NKTR: variants seen among roughly 807,000 people sequenced by gnomAD.
The protein encoded by NKTR is natural killer cell triggering receptor.
Under a neutral mutation model 156.3 loss-of-function variants are expected in NKTR, and 67 were observed. The observed-to-expected ratio is 0.43, with a 90% CI of 0.35 to 0.53. The LOEUF (loss-of-function observed/expected upper bound fraction) is 0.53. Ranked by LOEUF, NKTR falls within the 20% of genes least tolerant of loss-of-function variation. The probability of loss-of-function intolerance (pLI) is 0.01; values close to 1 mark genes in which losing one functional copy is unlikely to be tolerated. For synonymous variants in NKTR, 640 were observed against 596.6 expected, an observed-to-expected ratio of 1.07 and a Z score of -1.06; for missense variants, 1,604 against 1,730.9, an observed-to-expected ratio of 0.93 and a Z score of 1.30.
At chr3:42,620,678 A>G (rs973886131) in intron 5 of NKTR, 6 of 984,306 alleles carry the variant, frequency 6.1e-6, no homozygotes, top group Non-Finnish European at 7.2e-6. Flanking sequence ...TGCTGGAATT[A>G]AAATAACTCT....
intron 12 of NKTR, 22 bp from the exon 13 acceptor site, chr3:42,636,846 G>T (rs972663214): frequency 4.6e-6 from 7 of 1,531,276 alleles, no homozygotes; most frequent in Non-Finnish European, 4.4e-6. Flanking sequence ...ATCACCGCAT[G>T]AATATTATGT....
At chr3:42,634,038 T>C (rs545167143) in intron 10 of NKTR, among the ~76,000 whole-genome samples, 19 of 152,326 alleles carry the variant, frequency 1.2e-4, no homozygotes, top group Admixed American at 3.9e-4. Context: ...TGCCTTTGCC[T>C]TTTATTAGAG....
rs1247827274 is a variant in NKTR at position 42,637,186 on chromosome 3, C to G, written c.1482C>G (p.His494Gln). The G allele has an allele frequency of 6.2e-7, 1 of 1,612,292 alleles. No individual in the cohort carries two copies. The highest frequency in any genetic ancestry group is 8.5e-7 in the Non-Finnish European group (1 of 1,179,586). ...SSRSSSLSSHHSSKRDWSKSD... is the reference protein window; with the variant it reads ...SSRSSSLSSHQSSKRDWSKSD... ...GTTCTTCCTCATTGTCATCTCATCACTCATCAAAGAGAGACTGGTCTAAAT... is the reference window on the plus strand; with the variant it reads ...GTTCTTCCTCATTGTCATCTCATCAGTCATCAAAGAGAGACTGGTCTAAAT... The change falls in exon 13 of 17, where the codon CAC becomes CAG. Residue 494 changes from histidine (H) to glutamine (Q), a missense_variant. Around this residue, in one of 6 missense-constraint regions of NKTR, gnomAD observed 1,255 missense variants for 1,243.7 expected, o/e 1.01. Transcript: ENST00000232978.
intron 2 of NKTR, among the ~76,000 whole-genome samples, chr3:42,604,267 C>T (rs1022773131): frequency 2.0e-5 from 3 of 152,038 alleles, no homozygotes; most frequent in Admixed American, 2.0e-4. Context: ...AATTTTGTTT[C>T]TATTTTTGTT....
In NKTR at chr3:42,637,679, G is replaced by A. The variant is rs1364890092; in HGVS notation, c.1975G>A (p.Gly659Ser). 1 of 1,613,876 alleles carries A rather than the reference G, an allele frequency of 6.2e-7. No individual in the cohort carries two copies. Among genetic ancestry groups the A allele is most frequent in the Middle Eastern group, 1.6e-4 (1 of 6,062 alleles). The change falls in exon 13 of 17, where the codon GGT (glycine) becomes AGT (serine). Residue 659 changes from glycine to serine, a missense_variant. By Grantham distance (56) the Gly-to-Ser change is moderately conservative. This residue lies in a region of NKTR where 1,255 missense variants were observed against 1,243.7 expected (regional missense o/e 1.01). Transcript: ENST00000232978. The stretch of plus-strand genomic sequence containing the variant: ...CAGTTTAGCAAATATTAAAGAGACT[G>A]GTAGCTCATCATCCTACCATAAAAG... ...TYSLANIKET[G>S]SSSSYHKREK...
intron 5 of NKTR, chr3:42,621,039 C>A (rs1707856359): frequency 2.0e-6 from 2 of 980,082 alleles, no homozygotes; most frequent in Non-Finnish European, 2.4e-6. Context: ...TATTGAACTT[C>A]TTCCATGTAT....
At chr3:42,609,972 C>T (rs1217410479) in intron 2 of NKTR, among the ~76,000 whole-genome samples, 1 of 152,004 alleles carries the variant, frequency 6.6e-6, no homozygotes, top group Non-Finnish European at 1.5e-5. Flanking sequence ...GTAAATCTCT[C>T]CTATTGTCCT....
intron 5 of NKTR, chr3:42,620,539 TA>T: frequency 1.0e-6 from 1 of 984,600 alleles, no homozygotes; most frequent in South Asian, 4.7e-5. Context: ...AATGGATTAC[TA>T]CTCTTTTTCA....
chr3:42,638,822 A>G lies in NKTR; in HGVS notation c.3118A>G (p.Lys1040Glu). The change falls in exon 13 of 17, where the codon AAA becomes GAA. Residue 1040 changes from lysine (K) to glutamate (E), a missense_variant. Physicochemically the swap from Lys to Glu is moderately conservative, Grantham distance 56. Transcript: ENST00000232978. ...IDDKQVTQES[K>E]EKKVSENNET... is the part of the protein sequence containing the mutation. ...TGACAAGCAAGTTACTCAGGAATCAAAAGAGAAAAAAGTTTCTGAAAACAA... is the reference window on the plus strand; with the variant it reads ...TGACAAGCAAGTTACTCAGGAATCAGAAGAGAAAAAAGTTTCTGAAAACAA... The G allele has an allele frequency of 6.2e-6, 10 of 1,602,632 alleles. No individual in the cohort carries two copies. Among genetic ancestry groups the G allele is most frequent in the Non-Finnish European group, 8.5e-6 (10 of 1,177,182 alleles).
intron 5 of NKTR, chr3:42,620,329 T>G (rs916887826): frequency 2.6e-6 from 3 of 1,151,774 alleles, no homozygotes; most frequent in Non-Finnish European, 3.2e-6. Context: ...AAGGTTTGTA[T>G]GTTTTCTTTT....
chr3:42,624,295 A>C (rs1708175785), intron 6 of NKTR, among the ~76,000 whole-genome samples: 1 of 151,948 alleles, frequency 6.6e-6, no homozygotes, highest in Admixed American at 6.6e-5. Context: ...AGTACTGCTC[A>C]AGAAATGTGG....
At chr3:42,600,910 A>G (rs890800140) in intron 1 of NKTR, 74 bp from the exon 2 acceptor site, 29 of 917,582 alleles carry the variant, frequency 3.2e-5, no homozygotes, top group African/African-American at 5.2e-5. Context: ...ACTTCGTCTC[A>G]GCCCCGCCCT....
At position 42,647,303 on chromosome 3, in the gene NKTR, G is replaced by GT. The variant is rs10676488; in HGVS notation, c.*1339dup. The GT allele has an allele frequency of 5.5e-3, 553 of 101,172 alleles. 5 individuals carry two copies. The highest frequency in any genetic ancestry group is 0.011 in the African/African-American group (295 of 25,924). 6.3% of individuals were successfully genotyped at this position (101,172 alleles called of 1,614,324 possible). On this transcript the variant is annotated 3_prime_UTR_variant, in exon 17 of 17. Coordinates refer to ENST00000232978, the MANE Select transcript of NKTR (RefSeq NM_005385.4). Reference sequence around the variant, plus strand: ...GTGTGTGTGTGTGTGTGTGTGTGTGGTTTTTTTTTTTAATCTTTACTTTGA... The same window carrying GT: ...GTGTGTGTGTGTGTGTGTGTGTGTGGTTTTTTTTTTTTAATCTTTACTTTGA...
In NKTR at chr3:42,634,357, C is replaced by T. The variant is rs339660; in HGVS notation, c.930-256C>T. ...ACAGAAATATCATAATGGCTGGTGT[C>T]ATTGATAAGTTCCCTATGAAGAGTT... On this transcript the variant is annotated intron_variant, in intron 10 of 16. Coordinates refer to ENST00000232978, the MANE Select transcript of NKTR (RefSeq NM_005385.4). Among the ~76,000 whole-genome samples, 1,116 of 152,192 alleles carry T rather than the reference C, an allele frequency of 7.3e-3. 19 individuals carry two copies. The highest frequency in any genetic ancestry group is 0.026 in the African/African-American group (1,071 of 41,522).
At chr3:42,620,587 T>C (rs1707818587) in intron 5 of NKTR, 3 of 984,806 alleles carry the variant, frequency 3.0e-6, no homozygotes, top group Admixed American at 6.2e-5. Context: ...TTTAAAGTTT[T>C]CTGTGTTTCT....
intron 10 of NKTR, among the ~76,000 whole-genome samples, chr3:42,634,161 G>C (rs983138843): frequency 6.6e-6 from 1 of 152,196 alleles, no homozygotes; most frequent in African/African-American, 2.4e-5. Flanking sequence ...ATGATGATTG[G>C]AGATACAATT....
rs766679113 is a variant in NKTR at position 42,635,319 on chromosome 3, A to C, written c.1116A>C (p.Leu372Phe). ...ACTGGAAAGAGGAAATGCAGAGATT[A>C]AGAGCATATAGACCACCTAGTGGAG... is the stretch of plus-strand genomic sequence containing the variant. ...PPHWKEEMQR[L>F]RAYRPPSGEK... The change falls in exon 12 of 17, where the codon TTA becomes TTC. Residue 372 changes from leucine to phenylalanine, a missense_variant. Physicochemically the swap from Leu to Phe is conservative, Grantham distance 22. This residue lies in a region of NKTR where 1,255 missense variants were observed against 1,243.7 expected (regional missense o/e 1.01). Coordinates refer to ENST00000232978, the MANE Select transcript of NKTR (RefSeq NM_005385.4). 4.3e-6 allele frequency: 7 copies of C among 1,613,618 alleles called. No homozygotes were observed. Among genetic ancestry groups the C allele is most frequent in the Non-Finnish European group, 4.2e-6 (5 of 1,179,644 alleles).
In NKTR at chr3:42,629,899, T is replaced by C. The variant is rs144414116; in HGVS notation, c.375-647T>C. On this transcript the variant is annotated intron_variant, in intron 6 of 16. Transcript: ENST00000232978. The stretch of plus-strand genomic sequence containing the variant: ...GAAATTTAAAATGTCTGCAATGTTA[T>C]CCATCATTACTTTTTGCTGTCAGAA... 1.4e-5 allele frequency: 14 copies of C among 985,446 alleles called. No homozygotes were observed. In the Admixed American group the frequency reaches 5.5e-4, roughly 39 times the overall value. The allele number at this position is 985,446 out of a possible 1,614,324, so 61.0% of individuals were successfully genotyped here.
chr3:42,642,146 C>A (rs1270268584), intron 13 of NKTR, among the ~76,000 whole-genome samples: 1 of 152,070 alleles, frequency 6.6e-6, no homozygotes, highest in Non-Finnish European at 1.5e-5. Flanking sequence ...AGCTGTAGTT[C>A]ATTTTCTTCA....
Sources: gnomAD v4.1 joint callset for allele counts (sites outside exome capture counted in the v4.1 genomes callset) on GRCh38, gnomAD v4.1.1 for gene constraint, gnomAD v4.1.1 regional missense constraint, MANE v1.5 for transcripts, NCBI Gene and HGNC (gene_info 2026-07-23, HGNC 2026-07-21) for gene names.